DPP6: variants seen among roughly 807,000 people sequenced by gnomAD.
DPP6 encodes dipeptidyl peptidase like 6.
A neutral mutation model predicts 122.6 loss-of-function variants in DPP6; 69 were observed. The observed-to-expected ratio is 0.56, with a 90% confidence interval of 0.46 to 0.69. The LOEUF (loss-of-function observed/expected upper bound fraction) is 0.69, where lower values mean the gene tolerates loss of function less well. Among genes scored for constraint, DPP6 ranks in the 30% least tolerant of loss-of-function variants. DPP6 has a pLI of 0.00. For synonymous variants in DPP6, 418 were observed against 433.1 expected (o/e 0.97, Z 0.43); for missense variants, 928 against 1,116.9 (o/e 0.83, Z 2.41).
At chr7:154,375,368 G>A (rs548516899) in intron 1 of DPP6, among the ~76,000 whole-genome samples, 5 of 152,080 alleles carry the variant, frequency 3.3e-5, no homozygotes, top group Non-Finnish European at 5.9e-5. Context: ...GAGTGAGGCA[G>A]GACCCGGAAA....
At chr7:154,319,313 C>A (rs547664726) in intron 1 of DPP6, among the ~76,000 whole-genome samples, 8 of 152,198 alleles carry the variant, frequency 5.3e-5, no homozygotes, top group Admixed American at 5.2e-4. Context: ...AAGGTTAAAA[C>A]TCTTTTTCTC....
intron 8 of DPP6, among the ~76,000 whole-genome samples, chr7:154,768,902 A>G (rs1796067045): frequency 1.3e-5 from 2 of 152,116 alleles, no homozygotes; most frequent in African/African-American, 4.8e-5. Context: ...CTTTGGACTC[A>G]TTATCTGAGG....
chr7:153,866,062 T>C, the DPP6 span, among the ~76,000 whole-genome samples: 3 of 152,144 alleles, frequency 2.0e-5, no homozygotes, highest in Admixed American at 6.5e-5. Flanking sequence ...TTGTTGGACA[T>C]TTGGGTTGGT....
chr7:154,696,235 C>T (rs1216603315), intron 7 of DPP6, among the ~76,000 whole-genome samples: 1 of 152,176 alleles, frequency 6.6e-6, no homozygotes. Flanking sequence ...CGGGGCACAG[C>T]CACCCGGGCC....
At chr7:153,927,713 C>T (rs1174689705) in intron 1 of DPP6, among the ~76,000 whole-genome samples, 1 of 152,088 alleles carries the variant, frequency 6.6e-6, no homozygotes, top group Non-Finnish European at 1.5e-5. Context: ...AATCCAACCA[C>T]CCTAGGAAGA....
At chr7:154,769,997 T>C (rs1055423015) in intron 9 of DPP6, among the ~76,000 whole-genome samples, 2 of 152,156 alleles carry the variant, frequency 1.3e-5, no homozygotes, top group African/African-American at 4.8e-5. Flanking sequence ...ACGGGCTAAA[T>C]GTTTGTGTCC....
intron 5 of DPP6, among the ~76,000 whole-genome samples, chr7:154,613,174 G>GT (rs1834016819): frequency 6.6e-6 from 1 of 152,126 alleles, no homozygotes; most frequent in African/African-American, 2.4e-5. Flanking sequence ...AGGGGGTAAG[G>GT]TTTCAACATA....
At chr7:153,938,401 G>GA (rs1801554515) in intron 1 of DPP6, among the ~76,000 whole-genome samples, 1 of 152,100 alleles carries the variant, frequency 6.6e-6, no homozygotes, top group Non-Finnish European at 1.5e-5. Context: ...ATCCTTTTAG[G>GA]AAAAATGAGT....
intron 1 of DPP6, among the ~76,000 whole-genome samples, chr7:154,112,359 A>C (rs1253322120): frequency 6.6e-6 from 1 of 152,054 alleles, no homozygotes; most frequent in East Asian, 1.9e-4. Flanking sequence ...AATAGATAAA[A>C]GGTGGCCAGG....
rs957893224 is a variant in DPP6 at position 154,021,986 on chromosome 7, G to A, written c.51+134252G>A. On this transcript the variant is annotated intron_variant, in intron 1 of 25. Transcript: ENST00000404039. ...CCGGTCAAGTTGATATCCAGAATTC[G>A]CTATCTCAGCTGTTAAGGCCAACTC... is the stretch of plus-strand genomic sequence containing the variant. 1.3e-4 allele frequency among the ~76,000 whole-genome samples: 20 copies of A among 152,184 alleles called. No homozygotes were observed. The South Asian group carries it at 2.1e-3, about 16-fold the overall frequency.
chr7:154,126,533 A>C (rs1807899136), intron 1 of DPP6, among the ~76,000 whole-genome samples: 1 of 151,546 alleles, frequency 6.6e-6, no homozygotes, highest in African/African-American at 2.4e-5. Flanking sequence ...CTCTTGGTAG[A>C]TCAGCTAAAC....
intron 6 of DPP6, among the ~76,000 whole-genome samples, chr7:154,641,514 C>T (rs1482238134): frequency 6.6e-6 from 1 of 152,124 alleles, no homozygotes; most frequent in Non-Finnish European, 1.5e-5. Flanking sequence ...ATGACATTTT[C>T]CTGGCATGAC....
chr7:154,411,760 G>A (rs1364983996), intron 1 of DPP6, among the ~76,000 whole-genome samples: 1 of 152,064 alleles, frequency 6.6e-6, no homozygotes. Context: ...TGAAGTACCT[G>A]GTATTGCTTG....
At chr7:154,666,382 G>T (rs76104831) in intron 6 of DPP6, among the ~76,000 whole-genome samples, 1,675 of 151,916 alleles carry the variant, frequency 0.011, 15 homozygotes, top group Non-Finnish European at 0.018. Context: ...ATTGACAAAT[G>T]ATAATTATAT....
At chr7:154,731,113 A>ATGGGAAAG (rs1246865538) in intron 8 of DPP6, among the ~76,000 whole-genome samples, 2 of 152,104 alleles carry the variant, frequency 1.3e-5, no homozygotes, top group Non-Finnish European at 2.9e-5. Context: ...TTTTTTAATA[A>ATGGGAAAG]TGGGAAAGTA....
At chr7:154,714,497 T>C (rs1586941624) in intron 7 of DPP6, among the ~76,000 whole-genome samples, 1 of 152,290 alleles carries the variant, frequency 6.6e-6, no homozygotes, top group East Asian at 1.9e-4. Context: ...CTTACAATCA[T>C]GGTGGAACCT....
intron 1 of DPP6, among the ~76,000 whole-genome samples, chr7:154,170,644 G>A (rs1797490035): frequency 6.6e-6 from 1 of 152,202 alleles, no homozygotes; most frequent in African/African-American, 2.4e-5. Context: ...GCTTGCCCTG[G>A]CCTTTCTGAA....
the DPP6 span, among the ~76,000 whole-genome samples, chr7:153,765,549 C>CAAAA: frequency 8.7e-5 from 12 of 137,388 alleles, no homozygotes; most frequent in African/African-American, 3.2e-4. Flanking sequence ...TGTAAAAAAA[C>CAAAA]AAAAAAAAAA....
chr7:153,828,474 G>A, the DPP6 span, among the ~76,000 whole-genome samples: 1 of 152,158 alleles, frequency 6.6e-6, no homozygotes, highest in Non-Finnish European at 1.5e-5. Context: ...ATCTATCATT[G>A]TTTTACCAAG....
Sources: gnomAD v4.1 joint callset for allele counts (sites outside exome capture counted in the v4.1 genomes callset) on GRCh38, gnomAD v4.1.1 for gene constraint, MANE v1.5 for transcripts, NCBI Gene and HGNC (gene_info 2026-07-23, HGNC 2026-07-21) for gene names.